GCLM: variants seen among roughly 807,000 people sequenced by gnomAD.
The protein encoded by GCLM is glutamate--cysteine ligase regulatory subunit.
In GCLM, 15 loss-of-function variants were observed where a neutral mutation model predicts 36.0. That is an observed-to-expected ratio of 0.42 (90% CI 0.28 to 0.64). GCLM has a LOEUF of 0.64. Among genes scored for constraint, GCLM ranks in the 30% least tolerant of loss-of-function variants. The pLI, the probability that GCLM is intolerant of heterozygous loss-of-function variation, is 0.25. For missense variants in GCLM, 242 were observed against 325.5 expected, an observed-to-expected ratio of 0.74 and a Z score of 1.97; for synonymous variants, 129 against 122.8, an observed-to-expected ratio of 1.05 and a Z score of -0.34.
chr1:93,909,254 C>T lies in GCLM; in HGVS notation c.-91G>A. On this transcript the variant is annotated 5_prime_UTR_variant, in exon 1 of 7. Transcript: ENST00000370238. The stretch of plus-strand genomic sequence containing the variant: ...CCCACAGGACGCGGTGCCCGAGGCC[C>T]GAGAGAGACCCGAGAGGGAGCGCGA... The T allele has an allele frequency of 9.2e-7, 1 of 1,088,252 alleles. No homozygotes were observed. Among genetic ancestry groups the T allele is most frequent in the Non-Finnish European group, 1.1e-6 (1 of 898,414 alleles). 67.4% of individuals were successfully genotyped at this position (1,088,252 alleles called of 1,614,324 possible). A position where few individuals can be genotyped will look rare whatever the true frequency, so the allele number is the denominator to read the frequency against.
chr1:93,891,116 G>A (rs1191862346), intron 6 of GCLM, among the ~76,000 whole-genome samples: 1 of 151,984 alleles, frequency 6.6e-6, no homozygotes, highest in East Asian at 1.9e-4. Flanking sequence ...TCAAACTCCT[G>A]GACTCAAGTG....
chr1:93,891,758 T>A (rs1656543442), intron 6 of GCLM, among the ~76,000 whole-genome samples: 1 of 152,058 alleles, frequency 6.6e-6, no homozygotes, highest in African/African-American at 2.4e-5. Context: ...GATTTCGGAG[T>A]GCTAAAGGAC....
At position 93,891,047 on chromosome 1, in the gene GCLM, A is replaced by AATT. The variant is rs558825259; in HGVS notation, c.656-1891_656-1889dup. On this transcript the variant is annotated intron_variant, in intron 6 of 6. Transcript: ENST00000370238. ...GTGCGTCACCAAGGCCAGCTAATTT[A>AATT]ATTATTATTATTATTATTTTTGTAG... is the stretch of plus-strand genomic sequence containing the variant. Among the ~76,000 whole-genome samples, 303 of 151,454 alleles carry AATT rather than the reference A, an allele frequency of 2.0e-3. 1 individual carries two copies. The highest frequency in any genetic ancestry group is 6.9e-3 in the African/African-American group (284 of 41,286).
intron 5 of GCLM, among the ~76,000 whole-genome samples, chr1:93,895,187 TG>T (rs1656685981): frequency 6.6e-6 from 1 of 151,800 alleles, no homozygotes; most frequent in African/African-American, 2.4e-5. Flanking sequence ...GCTAATTTTT[TG>T]TATTTTTAGT....
At chr1:93,897,710 A>G in intron 4 of GCLM, 129 bp downstream of exon 4, 1 of 576,856 alleles carries the variant, frequency 1.7e-6, no homozygotes, top group Non-Finnish European at 3.0e-6. Flanking sequence ...AAACTAAGCT[A>G]GAACTTTAAA....
At chr1:93,897,460 A>C (rs1398232630) in intron 4 of GCLM, among the ~76,000 whole-genome samples, 1 of 152,024 alleles carries the variant, frequency 6.6e-6, no homozygotes, top group African/African-American at 2.4e-5. Context: ...GTATTGAATA[A>C]CTTTAATATC....
At chr1:93,904,244 A>G (rs1657065822) in intron 2 of GCLM, 1 of 384,506 alleles carries the variant, frequency 2.6e-6, no homozygotes, top group Admixed American at 4.3e-5. Flanking sequence ...CTCCTAGACC[A>G]AATATAAACT....
intron 2 of GCLM, among the ~76,000 whole-genome samples, chr1:93,903,790 G>A (rs1248787007): frequency 6.6e-6 from 1 of 151,998 alleles, no homozygotes; most frequent in Non-Finnish European, 1.5e-5. Flanking sequence ...CAAAGTAAAC[G>A]GCAAAGGCTT....
At position 93,887,710 on chromosome 1, in the gene GCLM, T is replaced by G. The variant is rs1656373255; in HGVS notation, c.*1280A>C. The G allele has an allele frequency of 1.3e-5, 2 of 151,900 alleles. No homozygotes were observed. Among genetic ancestry groups the G allele is most frequent in the Non-Finnish European group, 2.9e-5 (2 of 67,996 alleles). 9.4% of individuals were successfully genotyped at this position (151,900 alleles called of 1,614,324 possible). ...GTCTCAAACTCCTGACCTCGTGATC[T>G]GCCCACCTCGGCCTCCCAAAGTGCT... On this transcript the variant is annotated 3_prime_UTR_variant, in exon 7 of 7. Transcript: ENST00000370238.
At chr1:93,902,425 A>G (rs1021190622) in intron 2 of GCLM, among the ~76,000 whole-genome samples, 6 of 146,668 alleles carry the variant, frequency 4.1e-5, no homozygotes, top group East Asian at 2.0e-4. Context: ...TGATCCGCCC[A>G]CCTCGGCCTC....
In GCLM at chr1:93,903,641, A is replaced by G. The variant is rs527245628; in HGVS notation, c.192+882T>C. 8.6e-5 allele frequency among the ~76,000 whole-genome samples: 13 copies of G among 151,856 alleles called. No individual in the cohort carries two copies. In the East Asian group the frequency reaches 2.3e-3, roughly 27 times the overall value. Reference sequence around the variant, plus strand: ...CCTGTAATCACAAGCATTGTAAACCAAAACTTTTTTTTTCCTGAGTGCAGC... The same window carrying G: ...CCTGTAATCACAAGCATTGTAAACCGAAACTTTTTTTTTCCTGAGTGCAGC... On this transcript the variant is annotated intron_variant, in intron 2 of 6. Transcript: ENST00000370238.
intron 5 of GCLM, among the ~76,000 whole-genome samples, chr1:93,895,075 C>T (rs529058850): frequency 6.9e-6 from 1 of 144,988 alleles, no homozygotes; most frequent in South Asian, 2.2e-4. Flanking sequence ...AGTACAGTGG[C>T]GTGATCTTGG....
chr1:93,902,550 G>GA (rs1408646133), intron 2 of GCLM, among the ~76,000 whole-genome samples: 1 of 151,188 alleles, frequency 6.6e-6, no homozygotes, highest in Non-Finnish European at 1.5e-5. Flanking sequence ...GTAGAAGGTA[G>GA]ATTGAACAGA....
rs1656433467 is a variant in GCLM at position 93,889,132 on chromosome 1, T to G, written c.683A>C (p.Glu228Ala). Reference protein sequence around the residue: ...KELLSEASFQEALQESIPDIQ... With the variant: ...KELLSEASFQAALQESIPDIQ... ...GTCAGGAATGCTTTCCTGAAGAGCT[T>G]CTTGGAAACTTGCTTCAGAAAGCAG... Residue 228 changes from glutamate (E) to alanine (A), a missense_variant, in exon 7 of 7, where the codon GAA becomes GCA. Transcript: ENST00000370238. 1 of 1,574,512 alleles carries G rather than the reference T, an allele frequency of 6.4e-7. No homozygotes were observed. The highest frequency in any genetic ancestry group is 1.4e-5 in the African/African-American group (1 of 72,756).
rs750948425 is a variant in GCLM at position 93,889,053 on chromosome 1, C to G, written c.762G>C (p.Val254=). ...PLWLLRYSVI[V]KSRGIIKSKG... is the part of the protein sequence containing the mutation. ...TTGATTTGATAATTCCTCTACTTTT[C>G]ACAATGACCGAATACCGCAGTAGCC... Residue 254 remains valine (V), a synonymous_variant, in exon 7 of 7, where the codon GTG becomes GTC. Transcript: ENST00000370238. The G allele has an allele frequency of 1.2e-6, 2 of 1,603,322 alleles. No individual in the cohort carries two copies. Among genetic ancestry groups the G allele is most frequent in the Non-Finnish European group, 1.7e-6 (2 of 1,175,006 alleles).
chr1:93,896,968 A>G, intron 4 of GCLM, 148 bp from the exon 5 acceptor site: 1 of 620,978 alleles, frequency 1.6e-6, no homozygotes, highest in Non-Finnish European at 2.8e-6. Context: ...CTTTTCATTT[A>G]GAACATTTCT....
chr1:93,888,739 G>T lies in GCLM; in HGVS notation c.*251C>A. Reference sequence around the variant, plus strand: ...CATAAAAATAAAGGAAAAATATATTGCAAGTATTTTCTTTATAGACAATTT... The same window carrying T: ...CATAAAAATAAAGGAAAAATATATTTCAAGTATTTTCTTTATAGACAATTT... On this transcript the variant is annotated 3_prime_UTR_variant, in exon 7 of 7. Transcript: ENST00000370238. 3.5e-6 allele frequency: 1 copy of T among 282,146 alleles called. No individual in the cohort carries two copies. The highest frequency in any genetic ancestry group is 6.5e-6 in the Non-Finnish European group (1 of 154,134). 17.5% of individuals were successfully genotyped at this position (282,146 alleles called of 1,614,324 possible).
intron 5 of GCLM, among the ~76,000 whole-genome samples, chr1:93,895,481 T>C (rs760348177): frequency 6.6e-6 from 1 of 152,198 alleles, no homozygotes; most frequent in Non-Finnish European, 1.5e-5. Context: ...ATACCTTTAA[T>C]GTTAAAGTAT....
intron 2 of GCLM, among the ~76,000 whole-genome samples, chr1:93,902,092 T>C (rs1484455813): frequency 1.3e-5 from 2 of 148,784 alleles, no homozygotes; most frequent in Non-Finnish European, 3.0e-5. Flanking sequence ...GCATTTTCTT[T>C]TACTTTTTAA....
Sources: gnomAD v4.1 joint callset for allele counts (sites outside exome capture counted in the v4.1 genomes callset) on GRCh38, gnomAD v4.1.1 for gene constraint, MANE v1.5 for transcripts, NCBI Gene and HGNC (gene_info 2026-07-23, HGNC 2026-07-21) for gene names.